Variants in AGK observed in about 807,000 individuals in gnomAD.
AGK encodes the protein acylglycerol kinase.
Under a neutral mutation model 66.4 loss-of-function variants are expected in AGK, and 52 were observed. That is an observed-to-expected ratio of 0.78 (90% confidence interval 0.63 to 0.99). The LOEUF (loss-of-function observed/expected upper bound fraction) is 0.99, where lower values mean the gene tolerates loss of function less well. Among genes scored for constraint, AGK ranks in the 50% least tolerant of loss-of-function variants. The pLI, the probability that AGK is intolerant of heterozygous loss-of-function variation, is 0.00. For synonymous variants in AGK, 182 were observed against 181.1 expected (o/e 1.00, Z -0.04); for missense variants, 451 against 506.6 (o/e 0.89, Z 1.05).
chr7:141,597,890 C>CAAAAAAAAAAAAAAAAAAAAA (rs56295907), intron 4 of AGK, among the ~76,000 whole-genome samples: 12 of 71,444 alleles, frequency 1.7e-4, no homozygotes, highest in Non-Finnish European at 2.2e-4. Context: ...GACTCTGTCT[C>CAAAAAAAAAAAAAAAAAAAAA]AAAAAAAAAA....
chr7:141,642,719 C>T (rs1192132759), intron 13 of AGK, among the ~76,000 whole-genome samples: 2 of 152,110 alleles, frequency 1.3e-5, no homozygotes, highest in Non-Finnish European at 2.9e-5. Context: ...TTTTTGTGAA[C>T]AGAAAAATAC....
At chr7:141,606,816 T>C (rs1796469699) in intron 5 of AGK, among the ~76,000 whole-genome samples, 1 of 152,206 alleles carries the variant, frequency 6.6e-6, no homozygotes, top group African/African-American at 2.4e-5. Flanking sequence ...AAATCCTCTC[T>C]GTTCTTCTGC....
chr7:141,618,641 T>G, intron 8 of AGK, among the ~76,000 whole-genome samples: 1 of 152,178 alleles, frequency 6.6e-6, no homozygotes, highest in Non-Finnish European at 1.5e-5. Context: ...GAAAAGTTTT[T>G]TTTGTTTGTT....
intron 13 of AGK, among the ~76,000 whole-genome samples, chr7:141,647,081 C>A (rs1797428497): frequency 6.6e-6 from 1 of 150,546 alleles, no homozygotes. Context: ...CCCCCCCACC[C>A]AGCCCCACCT....
chr7:141,652,790 G>GC lies in AGK; in HGVS notation c.1136dup (p.Gly380ArgfsTer5). 6.2e-7 allele frequency: 1 copy of GC among 1,613,076 alleles called. No homozygotes were observed. The highest frequency in any genetic ancestry group is 8.5e-7 in the Non-Finnish European group (1 of 1,179,974). On this transcript the variant is annotated frameshift_variant, in exon 16 of 16. Transcript: ENST00000649286. LOFTEE classifies it high-confidence loss of function. Reference sequence around the variant, plus strand: ...CTGAATATTCTCTTCTCCCCAGGGAGCAGGGGGCTCTTTTAGCATTGACAG... The same window carrying GC: ...CTGAATATTCTCTTCTCCCCAGGGAGCCAGGGGGCTCTTTTAGCATTGACAG...
In AGK at chr7:141,582,659, G is replaced by A. The variant is rs180972779; in HGVS notation, c.102-10487G>A. Among the ~76,000 whole-genome samples, 371 of 152,038 alleles carry A rather than the reference G, an allele frequency of 2.4e-3. 1 individual carries two copies. The highest frequency in any genetic ancestry group is 4.4e-3 in the Admixed American group (67 of 15,292). On this transcript the variant is annotated intron_variant, in intron 2 of 15. Coordinates refer to ENST00000649286, the MANE Select transcript of AGK (RefSeq NM_018238.4). ...AAGAGCCTAAACGCTAACCAATTTG[G>A]GAGAAGTTGGATAAATAAAAAGGAG...
At position 141,637,034 on chromosome 7, in the gene AGK, G is replaced by A. The variant is rs774689436; in HGVS notation, c.726+17G>A. 6.2e-7 allele frequency: 1 copy of A among 1,604,648 alleles called. No individual in the cohort carries two copies. On this transcript the variant is annotated intron_variant, in intron 11 of 15. Coordinates refer to ENST00000649286, the MANE Select transcript of AGK (RefSeq NM_018238.4). ...ACTCTTAAGGTAAATGTGATTTACA[G>A]TGTAGAAATTTGCTGTGTTATTTTG...
chr7:141,618,718 A>G (rs1796761643), intron 8 of AGK, among the ~76,000 whole-genome samples: 1 of 152,160 alleles, frequency 6.6e-6, no homozygotes, highest in Non-Finnish European at 1.5e-5. Flanking sequence ...AATTTCTATG[A>G]AATTCACAGT....
chr7:141,583,110 C>T (rs911397809), intron 2 of AGK, among the ~76,000 whole-genome samples: 11 of 151,852 alleles, frequency 7.2e-5, no homozygotes, highest in South Asian at 2.1e-4. Context: ...CTAGATCTTG[C>T]GGGATGGAGA....
chr7:141,582,845 A>G (rs1326799750), intron 2 of AGK, among the ~76,000 whole-genome samples: 1 of 151,780 alleles, frequency 6.6e-6, no homozygotes, highest in Non-Finnish European at 1.5e-5. Context: ...AGGCTGAGGA[A>G]GAATTGGGAC....
chr7:141,649,676 A>G (rs1743423348), intron 14 of AGK, among the ~76,000 whole-genome samples: 1 of 152,252 alleles, frequency 6.6e-6, no homozygotes, highest in South Asian at 2.1e-4. Flanking sequence ...CATGACTCGG[A>G]TCATTTAGCA....
intron 12 of AGK, 74 bp downstream of exon 12, chr7:141,641,472 C>T: frequency 1.3e-6 from 2 of 1,500,050 alleles, no homozygotes; most frequent in Middle Eastern, 1.9e-4. Context: ...CCTCCAAAAT[C>T]AGTTTTAGAG....
chr7:141,646,331 G>T (rs1157487241), intron 13 of AGK, among the ~76,000 whole-genome samples: 3 of 152,086 alleles, frequency 2.0e-5, no homozygotes, highest in Non-Finnish European at 4.4e-5. Context: ...TCTCAGGAGA[G>T]TCAGTCCTCT....
In AGK at chr7:141,611,152, C is replaced by T. The variant is rs774127116; in HGVS notation, c.298-43C>T. On this transcript the variant is annotated intron_variant, in intron 5 of 15. Coordinates refer to ENST00000649286, the MANE Select transcript of AGK (RefSeq NM_018238.4). The stretch of plus-strand genomic sequence containing the variant: ...CATTTTTAAACCTTTAACCTTGTGG[C>T]TCTAGGTTGATAAACTCACCAAAGG... 6 of 1,346,940 alleles carry T rather than the reference C, an allele frequency of 4.5e-6. No homozygotes were observed. The African/African-American group carries it at 8.7e-5, about 19-fold the overall frequency. The allele number at this position is 1,346,940 out of a possible 1,614,324, so 83.4% of individuals were successfully genotyped here.
chr7:141,615,292 G>A (rs577039610), intron 7 of AGK, among the ~76,000 whole-genome samples, 179 bp from the exon 8 acceptor site: 8 of 152,232 alleles, frequency 5.3e-5, no homozygotes, highest in Non-Finnish European at 1.2e-4. Flanking sequence ...TTCATTGACT[G>A]CCTTGTTTTA....
At chr7:141,566,297 C>A (rs1795466466) in intron 2 of AGK, among the ~76,000 whole-genome samples, 1 of 152,182 alleles carries the variant, frequency 6.6e-6, no homozygotes, top group African/African-American at 2.4e-5. Flanking sequence ...TTTGTTTCTT[C>A]TGTTATAAGA....
At chr7:141,628,975 C>G (rs1796999900) in intron 9 of AGK, among the ~76,000 whole-genome samples, 1 of 152,164 alleles carries the variant, frequency 6.6e-6, no homozygotes, top group South Asian at 2.1e-4. Context: ...CCTGCCAACC[C>G]AGAACCAAAT....
intron 2 of AGK, among the ~76,000 whole-genome samples, chr7:141,582,062 G>A (rs1795893007): frequency 2.6e-5 from 4 of 152,012 alleles, no homozygotes; most frequent in Non-Finnish European, 4.4e-5. Context: ...AGAAGCTTCC[G>A]AGGCAACTGG....
chr7:141,607,676 A>T (rs570042387), intron 5 of AGK, among the ~76,000 whole-genome samples: 1 of 151,814 alleles, frequency 6.6e-6, no homozygotes, highest in Non-Finnish European at 1.5e-5. Context: ...TCTTTCATGG[A>T]TATTGCTTTT....
Sources: allele counts gnomAD v4.1 joint callset (sites outside exome capture counted in the v4.1 genomes callset), GRCh38; gene constraint gnomAD v4.1.1; transcripts MANE v1.5; gene names NCBI Gene and HGNC (gene_info 2026-07-23, HGNC 2026-07-21).